The following PLSCR2 variants were observed in gnomAD, a reference collection of about 807,000 sequenced individuals.
PLSCR2 encodes the protein phospholipid scramblase 2.
In PLSCR2, 18 loss-of-function variants were observed where a neutral mutation model predicts 25.3. The observed-to-expected ratio is 0.71, with a 90% CI of 0.49 to 1.06. The LOEUF (loss-of-function observed/expected upper bound fraction) is 1.06. Among genes scored for constraint, PLSCR2 ranks in the 50% least tolerant of loss-of-function variants. The pLI, the probability that PLSCR2 is intolerant of heterozygous loss-of-function variation, is 0.00. For synonymous variants in PLSCR2, 88 were observed against 87.3 expected (o/e 1.01, Z -0.04); for missense variants, 243 against 269.5 (o/e 0.90, Z 0.69).
intron 2 of PLSCR2, among the ~76,000 whole-genome samples, chr3:146,427,492 C>T (rs1318282621): frequency 6.6e-6 from 1 of 152,166 alleles, no homozygotes; most frequent in African/African-American, 2.4e-5. Flanking sequence ...CAAGGCACTG[C>T]ATTATCTAGC....
At chr3:146,409,090 G>C (rs1223247260) in intron 2 of PLSCR2, among the ~76,000 whole-genome samples, 1 of 152,140 alleles carries the variant, frequency 6.6e-6, no homozygotes, top group Non-Finnish European at 1.5e-5. Context: ...GTCAAAACCT[G>C]GGGCTTTTCA....
chr3:146,455,782 G>T (rs1331506896), intron 3 of PLSCR2, among the ~76,000 whole-genome samples: 5 of 152,118 alleles, frequency 3.3e-5, no homozygotes, highest in Admixed American at 6.5e-5. Context: ...GTGGTGCTAG[G>T]TGTATGGATA....
chr3:146,438,379 A>G (rs778707549), downstream of PLSCR2, among the ~76,000 whole-genome samples: 144 of 152,234 alleles, frequency 9.5e-4, no homozygotes, highest in Middle Eastern at 3.4e-3. Flanking sequence ...TGGGGTGTTA[A>G]AGTCTCCCAT....
chr3:146,451,876 C>T (rs755679014), intron 5 of PLSCR2, among the ~76,000 whole-genome samples: 19 of 140,890 alleles, frequency 1.3e-4, no homozygotes, highest in Non-Finnish European at 2.9e-4. Flanking sequence ...GGACAGATCC[C>T]CCTTTGCTCA....
intron 2 of PLSCR2, among the ~76,000 whole-genome samples, chr3:146,403,969 C>T (rs898832021): frequency 6.6e-6 from 1 of 152,142 alleles, no homozygotes; most frequent in Admixed American, 6.5e-5. Flanking sequence ...TGACTCATTC[C>T]GATTACCTAC....
downstream of PLSCR2, among the ~76,000 whole-genome samples, chr3:146,436,903 C>T (rs1215329105): frequency 6.6e-6 from 1 of 152,080 alleles, no homozygotes; most frequent in African/African-American, 2.4e-5. Context: ...ATGATATTGG[C>T]TGTGGGTTTG....
chr3:146,448,884 T>C (rs1355150512), intron 6 of PLSCR2, among the ~76,000 whole-genome samples: 3 of 152,294 alleles, frequency 2.0e-5, no homozygotes, highest in African/African-American at 7.2e-5. Context: ...TGAGTTTTAT[T>C]CCATGTAAGA....
exon 4 of PLSCR2, chr3:146,455,440 A>G: frequency 2.5e-6 from 4 of 1,604,702 alleles, no homozygotes; most frequent in Admixed American, 1.7e-5. Flanking sequence ...ACATGTTACT[A>G]CTTTCAAAAC....
At chr3:146,403,614 C>A (rs1206752705) in intron 2 of PLSCR2, among the ~76,000 whole-genome samples, 1 of 152,140 alleles carries the variant, frequency 6.6e-6, no homozygotes, top group Non-Finnish European at 1.5e-5. Context: ...TGAATTTCCA[C>A]AATTAGTTTT....
At chr3:146,463,316 A>G (rs563898076), upstream of PLSCR2, among the ~76,000 whole-genome samples, 2 of 152,200 alleles carry the variant, frequency 1.3e-5, no homozygotes, top group African/African-American at 4.8e-5. Flanking sequence ...AGCTGGGACT[A>G]CAGGCACCCG....
intron 1 of PLSCR2, among the ~76,000 whole-genome samples, chr3:146,479,483 A>G (rs1465605482): frequency 1.3e-5 from 2 of 152,216 alleles, no homozygotes; most frequent in African/African-American, 2.4e-5. Flanking sequence ...CAAAGATCAA[A>G]AGAGACAAAG....
intron 2 of PLSCR2, among the ~76,000 whole-genome samples, chr3:146,399,533 T>C (rs2038387415): frequency 6.6e-6 from 1 of 151,760 alleles, no homozygotes; most frequent in South Asian, 2.1e-4. Flanking sequence ...GGAGAATACA[T>C]AAGAAACTTG....
At chr3:146,453,043 G>A (rs1352337983) in intron 5 of PLSCR2, among the ~76,000 whole-genome samples, 1 of 151,774 alleles carries the variant, frequency 6.6e-6, no homozygotes, top group African/African-American at 2.4e-5. Context: ...TGTTTTCTTA[G>A]AATTTCCCAT....
intron 5 of PLSCR2, among the ~76,000 whole-genome samples, chr3:146,451,155 C>A (rs1199775950): frequency 2.0e-5 from 3 of 147,620 alleles, no homozygotes; most frequent in Non-Finnish European, 4.5e-5. Context: ...GCTCTTGTCC[C>A]CCAGGCTGGA....
chr3:146,436,495 T>C (rs2039868227), intron 8 of PLSCR2, among the ~76,000 whole-genome samples: 1 of 152,238 alleles, frequency 6.6e-6, no homozygotes, highest in Admixed American at 6.5e-5. Context: ...TTCACATCTC[T>C]TGTAAGTTGG....
At chr3:146,469,255 G>A (rs1045965432) in intron 1 of PLSCR2, 4 of 985,622 alleles carry the variant, frequency 4.1e-6, no homozygotes, top group South Asian at 9.4e-5. Context: ...AGCCCCGCAA[G>A]GCGTTTTCAG....
chr3:146,453,510 C>T (rs539940748), intron 5 of PLSCR2, among the ~76,000 whole-genome samples: 1 of 152,126 alleles, frequency 6.6e-6, no homozygotes, highest in African/African-American at 2.4e-5. Flanking sequence ...GAAGAGACCA[C>T]AGAGAAGTAT....
intron 1 of PLSCR2, among the ~76,000 whole-genome samples, chr3:146,483,759 A>G (rs1460838067): frequency 4.0e-5 from 6 of 151,638 alleles, no homozygotes; most frequent in African/African-American, 1.5e-4. Context: ...CAACAAAAAA[A>G]TACCCACAAA....
intron 2 of PLSCR2, among the ~76,000 whole-genome samples, chr3:146,404,030 G>A (rs1390014823): frequency 1.3e-5 from 2 of 151,756 alleles, no homozygotes; most frequent in Admixed American, 6.6e-5. Flanking sequence ...CACTCACCCC[G>A]TCACTCTCTT....
Sources: gnomAD v4.1 joint callset for allele counts (sites outside exome capture counted in the v4.1 genomes callset) on GRCh38, gnomAD v4.1.1 for gene constraint, MANE v1.5 for transcripts, NCBI Gene and HGNC (gene_info 2026-07-23, HGNC 2026-07-21) for gene names.